The following KLHL5 variants were observed in gnomAD, a reference collection of about 807,000 sequenced individuals.
KLHL5 encodes the protein kelch like family member 5.
A neutral mutation model predicts 77.7 loss-of-function variants in KLHL5; 48 were observed. The ratio of observed to expected loss-of-function variants is 0.62; its 90% CI spans 0.49 to 0.79. The LOEUF (loss-of-function observed/expected upper bound fraction) is 0.79, where lower values mean the gene tolerates loss of function less well. Ranked by LOEUF, KLHL5 falls within the 30% of genes least tolerant of loss-of-function variation. The pLI, the probability that KLHL5 is intolerant of heterozygous loss-of-function variation, is 0.00. For synonymous variants in KLHL5, 260 were observed against 297.0 expected (o/e 0.88, Z 1.28); for missense variants, 723 against 859.7 (o/e 0.84, Z 1.99).
intron 1 of KLHL5, among the ~76,000 whole-genome samples, chr4:39,075,031 A>G (rs1718874202): frequency 1.3e-5 from 2 of 152,166 alleles, no homozygotes; most frequent in Non-Finnish European, 2.9e-5. Context: ...TCAGTAAATC[A>G]TATGAAAACA....
chr4:39,142,567 G>A, the KLHL5 span, among the ~76,000 whole-genome samples: 3 of 152,224 alleles, frequency 2.0e-5, no homozygotes, highest in South Asian at 4.1e-4. Flanking sequence ...AAGGGCACTC[G>A]TGGTGTCACT....
At chr4:39,134,137 A>G in the KLHL5 span, 2 of 152,246 alleles carry the variant, frequency 1.3e-5, no homozygotes, top group African/African-American at 2.4e-5. Flanking sequence ...TGAGCTCCAC[A>G]TGTCAGGGCC....
chr4:39,047,539 A>G (rs1716285342), intron 1 of KLHL5, among the ~76,000 whole-genome samples: 1 of 152,260 alleles, frequency 6.6e-6, no homozygotes, highest in Admixed American at 6.5e-5. Context: ...GTTAAGGACC[A>G]AAGTGAAGAT....
intron 4 of KLHL5, among the ~76,000 whole-genome samples, chr4:39,083,624 C>G (rs150780508): frequency 6.6e-6 from 1 of 152,076 alleles, no homozygotes; most frequent in East Asian, 1.9e-4. Flanking sequence ...TTTATAGATT[C>G]TCATTTTAAC....
rs181576001 is a variant in KLHL5, at chr4:39,120,012, C to T, written c.2074-998C>T. On this transcript the variant is annotated intron_variant, in intron 10 of 10. Coordinates refer to ENST00000504108, the MANE Select transcript of KLHL5 (RefSeq NM_015990.5). ...GAATTCTCTTATAACTGAAGTCTGA[C>T]CTGTTCTTAAAATCTACTCATTGGT... 3.9e-5 allele frequency: 6 copies of T among 152,090 alleles called. No homozygotes were observed. The East Asian group carries it at 9.7e-4, about 24-fold the overall frequency. 9.4% of individuals were successfully genotyped at this position (152,090 alleles called of 1,614,324 possible).
At chr4:39,130,044 T>C (rs1723734965), downstream of KLHL5, among the ~76,000 whole-genome samples, 1 of 152,224 alleles carries the variant, frequency 6.6e-6, no homozygotes, top group African/African-American at 2.4e-5. Flanking sequence ...TTACCTGTGC[T>C]GAGACTAGCT....
At chr4:39,126,841 C>G (rs1172474283), downstream of KLHL5, 1 of 415,660 alleles carries the variant, frequency 2.4e-6, no homozygotes, top group African/African-American at 2.1e-5. Flanking sequence ...GGCTTCTTTA[C>G]CAAAAATGTA....
intron 7 of KLHL5, 109 bp from the exon 8 acceptor site, chr4:39,107,459 TC>T (rs1171802315): frequency 1.1e-5 from 7 of 613,280 alleles, no homozygotes; most frequent in Non-Finnish European, 1.7e-5. Context: ...AAATGTTTAC[TC>T]AGTTCTATTT....
At chr4:39,069,809 A>G (rs1332483661) in intron 1 of KLHL5, among the ~76,000 whole-genome samples, 1 of 152,000 alleles carries the variant, frequency 6.6e-6, no homozygotes, top group Non-Finnish European at 1.5e-5. Context: ...GTTGAAAATG[A>G]CAGAAGCCCA....
At chr4:39,049,713 A>T (rs111703776) in intron 1 of KLHL5, among the ~76,000 whole-genome samples, 2 of 18,124 alleles carry the variant, frequency 1.1e-4, no homozygotes, top group African/African-American at 1.9e-4. Flanking sequence ...AAATAAATAA[A>T]AAATAAATAA....
intron 5 of KLHL5, among the ~76,000 whole-genome samples, chr4:39,088,507 C>G (rs1038625676): frequency 3.3e-5 from 5 of 152,184 alleles, no homozygotes; most frequent in African/African-American, 1.2e-4. Flanking sequence ...AACCCAAGTA[C>G]AGTTCTGTGC....
At chr4:39,111,036 C>T (rs1004645734) in intron 8 of KLHL5, among the ~76,000 whole-genome samples, 7 of 151,950 alleles carry the variant, frequency 4.6e-5, no homozygotes, top group African/African-American at 1.7e-4. Flanking sequence ...TCATAGAGTC[C>T]TATTCTTAGA....
Position 39,121,172 on chromosome 4 carries a change from T to C in KLHL5, c.*106T>C, listed in dbSNP as rs1723187498. The C allele has an allele frequency of 1.1e-6, 1 of 898,964 alleles. No individual in the cohort carries two copies. Among genetic ancestry groups the C allele is most frequent in the East Asian group, 2.6e-5 (1 of 38,620 alleles). The allele number at this position is 898,964 out of a possible 1,614,324, so 55.7% of individuals were successfully genotyped here. On this transcript the variant is annotated 3_prime_UTR_variant, in exon 11 of 11. Coordinates refer to ENST00000504108, the MANE Select transcript of KLHL5 (RefSeq NM_015990.5). ...TAGTAAATGTGCATTGTCACAATCCTGGGCACAAAGTGCCTGATGTCAAAA... is the reference window on the plus strand; with the variant it reads ...TAGTAAATGTGCATTGTCACAATCCCGGGCACAAAGTGCCTGATGTCAAAA...
At chr4:39,091,705 C>G (rs1263925803) in intron 5 of KLHL5, among the ~76,000 whole-genome samples, 1 of 149,984 alleles carries the variant, frequency 6.7e-6, no homozygotes, top group African/African-American at 2.5e-5. Flanking sequence ...GGGTCTCACT[C>G]TGTCACCCAG....
At chr4:39,075,731 A>T (rs546704875) in intron 1 of KLHL5, among the ~76,000 whole-genome samples, 1 of 152,334 alleles carries the variant, frequency 6.6e-6, no homozygotes, top group Admixed American at 6.5e-5. Flanking sequence ...ACTACAAAGA[A>T]TATATGTAGC....
the KLHL5 span, among the ~76,000 whole-genome samples, chr4:39,136,467 T>C: frequency 6.6e-6 from 1 of 152,072 alleles, no homozygotes; most frequent in Non-Finnish European, 1.5e-5. Flanking sequence ...GCCCCTTCCT[T>C]AATAATTCAG....
intron 8 of KLHL5, among the ~76,000 whole-genome samples, chr4:39,110,811 A>C (rs1722403535): frequency 1.3e-5 from 2 of 152,110 alleles, no homozygotes; most frequent in Admixed American, 1.3e-4. Context: ...GGCAAGACCT[A>C]AATCTTATTA....
chr4:39,106,544 C>G (rs947691610), intron 7 of KLHL5, among the ~76,000 whole-genome samples: 1 of 152,110 alleles, frequency 6.6e-6, no homozygotes, highest in Admixed American at 6.5e-5. Flanking sequence ...AGCTCAGCTC[C>G]GTGCTGATGA....
upstream of KLHL5, among the ~76,000 whole-genome samples, chr4:39,059,633 A>G (rs1248875385): frequency 6.6e-6 from 1 of 152,280 alleles, no homozygotes; most frequent in East Asian, 1.9e-4. Flanking sequence ...ATGTAATCCC[A>G]GCTACTCAGG....
Sources: gnomAD v4.1 joint callset for allele counts (sites outside exome capture counted in the v4.1 genomes callset) on GRCh38, gnomAD v4.1.1 for gene constraint, MANE v1.5 for transcripts, NCBI Gene and HGNC (gene_info 2026-07-23, HGNC 2026-07-21) for gene names.